The following DCUN1D4 variants were observed in gnomAD, a reference collection of about 807,000 sequenced individuals.
DCUN1D4 encodes DCN1-like protein 4.
DCUN1D4 carries 22 observed loss-of-function variants against 47.9 expected under a neutral mutation model. The ratio of observed to expected loss-of-function variants is 0.46; its 90% CI spans 0.33 to 0.66. DCUN1D4 has a LOEUF of 0.66. Ranked by LOEUF, DCUN1D4 falls within the 30% of genes least tolerant of loss-of-function variation. The pLI is 0.02. For synonymous variants in DCUN1D4, 121 were observed against 112.2 expected, an observed-to-expected ratio of 1.08 and a Z score of -0.50; for missense variants, 301 against 340.8, an observed-to-expected ratio of 0.88 and a Z score of 0.92.
intron 1 of DCUN1D4, among the ~76,000 whole-genome samples, chr4:51,847,477 C>T (rs1185622609): frequency 1.3e-5 from 2 of 152,102 alleles, no homozygotes. Flanking sequence ...ATTTCTTATC[C>T]TCTTCTTCCC....
At chr4:51,834,133 TA>T in the DCUN1D4 span, among the ~76,000 whole-genome samples, 1 of 144,654 alleles carries the variant, frequency 6.9e-6, no homozygotes, top group Non-Finnish European at 1.5e-5. Flanking sequence ...TTTTTTGCTG[TA>T]AATCTGTTTG....
chr4:51,867,387 C>T (rs1726129623), intron 3 of DCUN1D4, among the ~76,000 whole-genome samples: 1 of 152,230 alleles, frequency 6.6e-6, no homozygotes, highest in African/African-American at 2.4e-5. Context: ...GTTTGTGTTA[C>T]AGCTCTTTTA....
At chr4:51,848,358 G>C in intron 1 of DCUN1D4, 1 of 1,258,796 alleles carries the variant, frequency 7.9e-7, no homozygotes, top group South Asian at 1.3e-5. Flanking sequence ...GGTTAAGGCA[G>C]CATTAACAGG....
intron 8 of DCUN1D4, among the ~76,000 whole-genome samples, chr4:51,908,505 G>C (rs1306617190): frequency 6.6e-6 from 1 of 152,060 alleles, no homozygotes; most frequent in Non-Finnish European, 1.5e-5. Context: ...CATGAGCAGA[G>C]AGTCACAGGA....
At chr4:51,842,008 C>A (rs1721699741), upstream of DCUN1D4, among the ~76,000 whole-genome samples, 2 of 151,180 alleles carry the variant, frequency 1.3e-5, 1 homozygote, top group South Asian at 4.2e-4. Context: ...GGGGGGAATC[C>A]TCCGTTAATA....
intron 1 of DCUN1D4, among the ~76,000 whole-genome samples, chr4:51,847,909 C>G (rs1297526303): frequency 6.6e-6 from 1 of 152,170 alleles, no homozygotes; most frequent in Non-Finnish European, 1.5e-5. Flanking sequence ...TATTTCCCCT[C>G]CCCAATTAGA....
intron 7 of DCUN1D4, among the ~76,000 whole-genome samples, chr4:51,895,760 CAAAA>C (rs1731174570): frequency 1.3e-5 from 2 of 152,066 alleles, no homozygotes; most frequent in Non-Finnish European, 2.9e-5. Context: ...GCAGCAAACT[CAAAA>C]AGAAATTATC....
chr4:51,898,372 C>G (rs1032929611), intron 7 of DCUN1D4, among the ~76,000 whole-genome samples: 1 of 152,122 alleles, frequency 6.6e-6, no homozygotes, highest in African/African-American at 2.4e-5. Context: ...GGCAGACTTA[C>G]CGCTAGTGGA....
the DCUN1D4 span, among the ~76,000 whole-genome samples, chr4:51,835,095 A>T: frequency 6.6e-6 from 1 of 152,198 alleles, no homozygotes; most frequent in Admixed American, 6.5e-5. Flanking sequence ...CAGCTTTCAC[A>T]TTAAAGAATT....
chr4:51,836,311 T>G, the DCUN1D4 span, among the ~76,000 whole-genome samples: 1 of 152,206 alleles, frequency 6.6e-6, no homozygotes, highest in Non-Finnish European at 1.5e-5. Flanking sequence ...ACCATTTGCT[T>G]TAACCTGTCT....
chr4:51,856,818 T>G (rs2109855329), intron 1 of DCUN1D4, among the ~76,000 whole-genome samples: 1 of 152,346 alleles, frequency 6.6e-6, no homozygotes, highest in Non-Finnish European at 1.5e-5. Flanking sequence ...AGTCCCTGTG[T>G]AAGGTGAAGA....
chr4:51,903,458 A>G (rs1467149362), intron 8 of DCUN1D4, among the ~76,000 whole-genome samples: 1 of 152,060 alleles, frequency 6.6e-6, no homozygotes, highest in Non-Finnish European at 1.5e-5. Context: ...AGTTTATTAT[A>G]ATATTCCCTG....
chr4:51,907,657 AT>A (rs983530329), intron 8 of DCUN1D4, among the ~76,000 whole-genome samples: 1 of 151,898 alleles, frequency 6.6e-6, no homozygotes, highest in African/African-American at 2.4e-5. Flanking sequence ...TTCCCGTTGA[AT>A]TTTTTTCTTT....
intron 8 of DCUN1D4, 124 bp downstream of exon 8, chr4:51,899,502 A>G (rs1012628251): frequency 6.1e-6 from 9 of 1,471,148 alleles, no homozygotes; most frequent in Admixed American, 3.2e-5. Flanking sequence ...CCAGGATGCT[A>G]GTTAGTATTT....
At chr4:51,912,889 G>T (rs977169543) in intron 9 of DCUN1D4, among the ~76,000 whole-genome samples, 2 of 152,166 alleles carry the variant, frequency 1.3e-5, no homozygotes, top group Non-Finnish European at 2.9e-5. Context: ...TCTTTATTTA[G>T]CACTTACTTT....
intron 3 of DCUN1D4, among the ~76,000 whole-genome samples, chr4:51,868,507 A>G (rs1332132821): frequency 6.6e-6 from 1 of 152,250 alleles, no homozygotes; most frequent in Non-Finnish European, 1.5e-5. Flanking sequence ...CCATCTGGTT[A>G]TAGCATCACT....
intron 3 of DCUN1D4, among the ~76,000 whole-genome samples, chr4:51,863,995 AG>A (rs1343161395): frequency 6.6e-6 from 1 of 152,262 alleles, no homozygotes; most frequent in Non-Finnish European, 1.5e-5. Context: ...TATATTAAAA[AG>A]GTGCTACAGT....
chr4:51,846,685 G>T (rs1351299562), intron 1 of DCUN1D4, among the ~76,000 whole-genome samples: 1 of 152,124 alleles, frequency 6.6e-6, no homozygotes, highest in Non-Finnish European at 1.5e-5. Context: ...GGATGCCTTT[G>T]CCAATACAAT....
intron 3 of DCUN1D4, among the ~76,000 whole-genome samples, chr4:51,865,952 G>C (rs4865381): frequency 0.41 from 62,948 of 151,996 alleles, 15,712 homozygotes; most frequent in African/African-American, 0.7. Context: ...TACTCTTTCA[G>C]CTTGCTCCAC....
Sources: allele counts gnomAD v4.1 joint callset (sites outside exome capture counted in the v4.1 genomes callset), GRCh38; gene constraint gnomAD v4.1.1; transcripts MANE v1.5; gene names NCBI Gene and HGNC (gene_info 2026-07-23, HGNC 2026-07-21).